ASIC2: variants seen among roughly 807,000 people sequenced by gnomAD.
The protein encoded by ASIC2 is acid-sensing ion channel 2.
In ASIC2, 25 loss-of-function variants were observed where a neutral mutation model predicts 57.3. The ratio of observed to expected loss-of-function variants is 0.44; its 90% CI spans 0.32 to 0.61. The LOEUF is 0.61. Among genes scored for constraint, ASIC2 ranks in the 20% least tolerant of loss-of-function variants. The probability of loss-of-function intolerance (pLI) is 0.06; values close to 1 mark genes in which losing one functional copy is unlikely to be tolerated. For missense variants in ASIC2, 641 were observed against 738.1 expected, an observed-to-expected ratio of 0.87 and a Z score of 1.52; for synonymous variants, 319 against 307.5, an observed-to-expected ratio of 1.04 and a Z score of -0.39.
intron 1 of ASIC2, among the ~76,000 whole-genome samples, chr17:33,928,935 G>A (rs1567758811): frequency 6.6e-6 from 1 of 152,140 alleles, no homozygotes; most frequent in Non-Finnish European, 1.5e-5. Context: ...GTTTCTGGGA[G>A]GTCTGCATGT....
chr17:33,621,270 G>A (rs936637418), intron 1 of ASIC2, among the ~76,000 whole-genome samples: 107 of 152,280 alleles, frequency 7.0e-4, no homozygotes, highest in African/African-American at 2.5e-3. Flanking sequence ...TCCAGACCTT[G>A]TCTATTTAAT....
chr17:33,995,370 T>A (rs1906124182), intron 1 of ASIC2, among the ~76,000 whole-genome samples: 1 of 151,660 alleles, frequency 6.6e-6, no homozygotes. Context: ...AGAAGGAGAG[T>A]CTCCCCTGTC....
chr17:33,781,776 G>A (rs556266660), intron 1 of ASIC2, among the ~76,000 whole-genome samples: 1 of 152,098 alleles, frequency 6.6e-6, no homozygotes, highest in Non-Finnish European at 1.5e-5. Context: ...CCACATAGGA[G>A]CAAGGGGCTT....
intron 1 of ASIC2, among the ~76,000 whole-genome samples, chr17:34,111,923 A>G (rs1049557171): frequency 6.6e-6 from 1 of 152,240 alleles, no homozygotes; most frequent in Non-Finnish European, 1.5e-5. Flanking sequence ...CATATCATAT[A>G]TATTAAGTCA....
rs1412520583 is a variant in ASIC2 at position 34,014,409 on chromosome 17, G to C, written c.555+141569C>G. ...AGTAAGTTTCTGGGCTTTGCATTCA[G>C]TTTGGGGTGCCACCATCAGGAGCTC... is the stretch of plus-strand genomic sequence containing the variant. On this transcript the variant is annotated intron_variant, in intron 1 of 9. Coordinates refer to the ASIC2 transcript ENST00000359872. Among the ~76,000 whole-genome samples the C allele has an allele frequency of 2.0e-5, 3 of 152,168 alleles. No individual in the cohort carries two copies. In the East Asian group the frequency reaches 5.8e-4, roughly 29 times the overall value.
At chr17:33,265,957 G>A (rs2142150615) in intron 1 of ASIC2, among the ~76,000 whole-genome samples, 1 of 152,232 alleles carries the variant, frequency 6.6e-6, no homozygotes, top group Admixed American at 6.5e-5. Flanking sequence ...CACCTGAGCT[G>A]GCCCCACTCC....
rs1341434093 is a variant in ASIC2, at chr17:33,088,871, C to T, written c.979G>A (p.Glu327Lys). Residue 327 changes from glutamate to lysine, a missense_variant, in exon 3 of 10, where the codon GAG becomes AAG. Transcript: ENST00000225823. The stretch of plus-strand genomic sequence containing the variant: ...GAGCCCAGGGAACTTACCCTCTGCT[C>T]CTGTGTGGCCACAAAGGTCTGGAAC... ...PGFQTFVATQ[E>K]QRLTYLPPPW... is the part of the protein sequence containing the mutation. 5 of 1,612,540 alleles carry T rather than the reference C, an allele frequency of 3.1e-6. No individual in the cohort carries two copies. Among genetic ancestry groups the T allele is most frequent in the Non-Finnish European group, 4.2e-6 (5 of 1,179,408 alleles).
chr17:33,181,163 T>C (rs1200014668), intron 1 of ASIC2, among the ~76,000 whole-genome samples: 2 of 152,120 alleles, frequency 1.3e-5, no homozygotes, highest in African/African-American at 4.8e-5. Context: ...AGCCATAATA[T>C]TAGAGTTCTG....
intron 1 of ASIC2, among the ~76,000 whole-genome samples, chr17:33,444,748 G>C (rs577142235): frequency 1.8e-4 from 27 of 152,296 alleles, no homozygotes; most frequent in Admixed American, 7.2e-4. Flanking sequence ...CTCTGGAAGA[G>C]AGCTACTAAG....
At chr17:34,023,143 A>T (rs1156784265) in intron 1 of ASIC2, among the ~76,000 whole-genome samples, 1 of 152,116 alleles carries the variant, frequency 6.6e-6, no homozygotes, top group East Asian at 1.9e-4. Context: ...AGTCTCATGT[A>T]GTTCTTTACA....
intron 1 of ASIC2, among the ~76,000 whole-genome samples, chr17:34,022,728 G>T (rs959806959): frequency 1.3e-5 from 2 of 151,976 alleles, no homozygotes; most frequent in African/African-American, 4.8e-5. Flanking sequence ...TGAAGAAGTG[G>T]TTCATTAATA....
chr17:33,376,813 T>C (rs1909293843), intron 1 of ASIC2, among the ~76,000 whole-genome samples: 1 of 152,184 alleles, frequency 6.6e-6, no homozygotes, highest in African/African-American at 2.4e-5. Context: ...ATTATCATCA[T>C]CATCATCATC....
At chr17:33,279,336 G>C (rs548073335) in intron 1 of ASIC2, among the ~76,000 whole-genome samples, 6 of 152,286 alleles carry the variant, frequency 3.9e-5, no homozygotes, top group Non-Finnish European at 8.8e-5. Flanking sequence ...ATCAGAGGCA[G>C]AGATGGTGAA....
chr17:33,190,965 A>T (rs57376317), intron 1 of ASIC2, among the ~76,000 whole-genome samples: 6,767 of 152,262 alleles, frequency 0.044, 484 homozygotes, highest in African/African-American at 0.15. Context: ...TACCCATTCC[A>T]CTTGTTAAGT....
At chr17:33,421,027 T>C (rs1219196083) in intron 1 of ASIC2, among the ~76,000 whole-genome samples, 1 of 152,210 alleles carries the variant, frequency 6.6e-6, no homozygotes, top group Non-Finnish European at 1.5e-5. Flanking sequence ...AGCACTCATG[T>C]AATGGAGGGA....
chr17:33,307,627 G>A (rs944174118), intron 1 of ASIC2, among the ~76,000 whole-genome samples: 3 of 152,114 alleles, frequency 2.0e-5, no homozygotes, highest in African/African-American at 7.2e-5. Context: ...CATCTTCTTA[G>A]ACCTTGCTCA....
chr17:33,674,559 A>G (rs1482524898), intron 1 of ASIC2, among the ~76,000 whole-genome samples: 3 of 152,212 alleles, frequency 2.0e-5, no homozygotes, highest in Admixed American at 2.0e-4. Context: ...TGTGTGTGTC[A>G]TTTAAGTCTT....
At chr17:33,057,068 A>T (rs949538397) in intron 3 of ASIC2, among the ~76,000 whole-genome samples, 2 of 152,170 alleles carry the variant, frequency 1.3e-5, no homozygotes, top group African/African-American at 4.8e-5. Context: ...CACAGCAGAG[A>T]TGAGCTAAAT....
Position 33,283,306 on chromosome 17 carries a change from GCCCT to G in ASIC2, c.708+8098_708+8101del, listed in dbSNP as rs1476641859. 7.5e-3 allele frequency among the ~76,000 whole-genome samples: 1,149 copies of G among 152,314 alleles called. 12 individuals are homozygous for G. Among genetic ancestry groups the G allele is most frequent in the African/African-American group, 0.026 (1,077 of 41,564 alleles). ...TTCACAGGGCTTCCAGGAGCCCACA[GCCCT>G]GTCTCTCAAAGCGAGTGTGGTTTGT... On this transcript the variant is annotated intron_variant, in intron 1 of 9. Coordinates refer to ENST00000225823, the MANE Select transcript of ASIC2 (RefSeq NM_183377.2).
Sources: gnomAD v4.1 joint callset for allele counts (sites outside exome capture counted in the v4.1 genomes callset) on GRCh38, gnomAD v4.1.1 for gene constraint, MANE v1.5 for transcripts, NCBI Gene and HGNC (gene_info 2026-07-23, HGNC 2026-07-21) for gene names.